The following CASK variants were observed in gnomAD, a reference collection of about 807,000 sequenced individuals.
CASK encodes peripheral plasma membrane protein CASK.
Under a neutral mutation model 82.9 loss-of-function variants are expected in CASK, and 4 were observed. The observed-to-expected ratio is 0.05, with a 90% CI of 0.02 to 0.11. The LOEUF (loss-of-function observed/expected upper bound fraction) is 0.11, where lower values mean the gene tolerates loss of function less well. Among genes scored for constraint, CASK ranks in the 10% least tolerant of loss-of-function variants. The pLI is 1.00. For missense variants in CASK, 358 were observed against 720.9 expected (o/e 0.50, Z 5.76); for synonymous variants, 259 against 253.5 (o/e 1.02, Z -0.20).
intron 2 of CASK, among the ~76,000 whole-genome samples, chrX:41,850,593 TA>T (rs1274101087): frequency 8.9e-6 from 1 of 112,349 alleles, no homozygotes; most frequent in African/African-American, 3.2e-5. Flanking sequence ...TAAATATAGA[TA>T]TTTCTAGATA....
chrX:41,586,761 G>T, intron 14 of CASK, 146 bp downstream of exon 14: 1 of 457,807 alleles, frequency 2.2e-6, no homozygotes, highest in East Asian at 3.8e-5. Flanking sequence ...AAAATATTTG[G>T]TATTACCTGG....
intron 5 of CASK, chrX:41,676,407 T>A: frequency 8.3e-7 from 1 of 1,198,014 alleles, no homozygotes; most frequent in East Asian, 3.0e-5. Context: ...CCTTGCTCAG[T>A]TACAGACTTC....
intron 3 of CASK, among the ~76,000 whole-genome samples, chrX:41,784,217 A>G (rs1569447726): frequency 8.9e-6 from 1 of 111,903 alleles, no homozygotes; most frequent in Admixed American, 9.5e-5. Context: ...TCCAACCCAA[A>G]AAGCCTAACT....
At chrX:41,652,964 G>A (rs2066886245) in intron 8 of CASK, among the ~76,000 whole-genome samples, 1 of 112,269 alleles carries the variant, frequency 8.9e-6, no homozygotes, top group African/African-American at 3.2e-5. Flanking sequence ...GTGTCTGAAA[G>A]GGTGGGAAGG....
intron 11 of CASK, 91 bp from the exon 12 acceptor site, chrX:41,610,116 G>A (rs951205089): frequency 5.5e-6 from 5 of 915,780 alleles, no homozygotes; most frequent in Non-Finnish European, 7.7e-6. Flanking sequence ...TAAGAACAAT[G>A]AATTCATATC....
intron 5 of CASK, among the ~76,000 whole-genome samples, chrX:41,731,397 G>A (rs1007194702): frequency 5.3e-5 from 6 of 112,187 alleles, no homozygotes; most frequent in Non-Finnish European, 7.5e-5. Context: ...TCCTGCCTGG[G>A]TGACAAAGCG....
intron 1 of CASK, among the ~76,000 whole-genome samples, chrX:41,872,407 A>G (rs2071721872): frequency 8.9e-6 from 1 of 111,995 alleles, no homozygotes; most frequent in African/African-American, 3.2e-5. Flanking sequence ...TACCAGGATT[A>G]TCACATTCTA....
intron 8 of CASK, among the ~76,000 whole-genome samples, chrX:41,652,901 C>T (rs1179977688): frequency 2.7e-5 from 3 of 111,906 alleles, no homozygotes; most frequent in Admixed American, 9.4e-5. Flanking sequence ...GGTGTAGGAT[C>T]TCTGATTTGT....
At chrX:41,549,046 G>A (rs1166133023) in intron 21 of CASK, among the ~76,000 whole-genome samples, 1 of 111,632 alleles carries the variant, frequency 9.0e-6, no homozygotes, top group African/African-American at 3.3e-5. Context: ...GATCTTGTAG[G>A]CAAGGCAAGG....
At chrX:41,736,394 G>A (rs1442067044) in intron 5 of CASK, among the ~76,000 whole-genome samples, 1 of 111,813 alleles carries the variant, frequency 8.9e-6, no homozygotes, top group African/African-American at 3.3e-5. Context: ...CAGCTACTCT[G>A]GAGGCTGAGG....
intron 5 of CASK, among the ~76,000 whole-genome samples, chrX:41,714,128 G>A (rs1298571922): frequency 9.0e-6 from 1 of 111,709 alleles, no homozygotes; most frequent in Non-Finnish European, 1.9e-5. Context: ...GTCTGGGAGT[G>A]AAGAAGAGAA....
chrX:41,750,509 G>A (rs1386065437), intron 3 of CASK, among the ~76,000 whole-genome samples: 1 of 111,780 alleles, frequency 8.9e-6, no homozygotes, highest in African/African-American at 3.2e-5. Context: ...AAAGGAGAGG[G>A]AGAAGAAACC....
intron 8 of CASK, among the ~76,000 whole-genome samples, chrX:41,648,968 C>T (rs2066813720): frequency 9.0e-6 from 1 of 111,342 alleles, no homozygotes; most frequent in Non-Finnish European, 1.9e-5. Flanking sequence ...CAACTTCTTC[C>T]TGGTTTAGTC....
intron 5 of CASK, among the ~76,000 whole-genome samples, chrX:41,732,873 G>C (rs2068423048): frequency 9.1e-6 from 1 of 109,511 alleles, no homozygotes; most frequent in African/African-American, 3.3e-5. Context: ...TAGGACCACA[G>C]GTGTGTGCCA....
At chrX:41,764,028 A>T (rs993772473) in intron 3 of CASK, among the ~76,000 whole-genome samples, 2 of 112,139 alleles carry the variant, frequency 1.8e-5, no homozygotes, top group African/African-American at 6.5e-5. Flanking sequence ...TAGGAATACC[A>T]AATGGCAGCA....
At chrX:41,844,673 C>T (rs1005844790) in intron 2 of CASK, among the ~76,000 whole-genome samples, 14 of 111,327 alleles carry the variant, frequency 1.3e-4, no homozygotes, top group African/African-American at 4.6e-4. Context: ...TTATTGACTT[C>T]TTCCATTGTT....
At chrX:41,678,497 T>C (rs2067303468) in intron 5 of CASK, among the ~76,000 whole-genome samples, 1 of 112,133 alleles carries the variant, frequency 8.9e-6, no homozygotes, top group African/African-American at 3.2e-5. Flanking sequence ...ATTTTAGTTT[T>C]ATGCACTAAT....
intron 8 of CASK, among the ~76,000 whole-genome samples, chrX:41,653,469 GGTT>G (rs1365951245): frequency 8.9e-6 from 1 of 112,073 alleles, no homozygotes; most frequent in Non-Finnish European, 1.9e-5. Flanking sequence ...CCTTGGTGGT[GGTT>G]GTCTGTAATA....
At chrX:41,543,179 T>C (rs1418554701) in intron 21 of CASK, among the ~76,000 whole-genome samples, 4 of 112,173 alleles carry the variant, frequency 3.6e-5, no homozygotes, top group African/African-American at 6.5e-5. Flanking sequence ...GAACTTTACA[T>C]GTATTAACTC....
Sources: gnomAD v4.1 joint callset for allele counts (sites outside exome capture counted in the v4.1 genomes callset) on GRCh38, gnomAD v4.1.1 for gene constraint, MANE v1.5 for transcripts, NCBI Gene and HGNC (gene_info 2026-07-23, HGNC 2026-07-21) for gene names.